Variants in TBCK observed in about 807,000 individuals in gnomAD.
TBCK encodes the protein TBC domain-containing protein kinase-like protein.
In TBCK, 99 loss-of-function variants were observed where a neutral mutation model predicts 113.4. The observed-to-expected ratio is 0.87, with a 90% CI of 0.74 to 1.03. TBCK has a LOEUF of 1.03. TBCK is among the 50% of genes least tolerant of loss of function. The pLI is 0.00. For missense variants in TBCK, 1,045 were observed against 1,061.3 expected (o/e 0.98, Z 0.21); for synonymous variants, 369 against 370.8 (o/e 1.00, Z 0.05).
chr4:106,084,518 G>C (rs540496654), intron 25 of TBCK, among the ~76,000 whole-genome samples: 25 of 152,238 alleles, frequency 1.6e-4, no homozygotes, highest in African/African-American at 6.0e-4. Context: ...CACACTTCAG[G>C]ATATTAGCCA....
chr4:106,137,654 T>C (rs1252801770), intron 23 of TBCK, among the ~76,000 whole-genome samples: 2 of 141,148 alleles, frequency 1.4e-5, no homozygotes, highest in African/African-American at 5.0e-5. Context: ...CAGCATCTGA[T>C]GTGGAGTTTG....
intron 3 of TBCK, among the ~76,000 whole-genome samples, chr4:106,278,889 TAAG>T (rs1472093748): frequency 2.6e-5 from 4 of 151,834 alleles, no homozygotes; most frequent in African/African-American, 9.7e-5. Context: ...AAAATATAGC[TAAG>T]AAGAAAAGAT....
chr4:106,190,279 C>A (rs555609095), intron 22 of TBCK, among the ~76,000 whole-genome samples: 2 of 152,258 alleles, frequency 1.3e-5, no homozygotes, highest in South Asian at 4.1e-4. Context: ...CATTTATATA[C>A]TTAAACATCT....
chr4:106,125,923 C>T (rs755919011), intron 23 of TBCK, among the ~76,000 whole-genome samples: 16 of 152,080 alleles, frequency 1.1e-4, no homozygotes, highest in Non-Finnish European at 1.6e-4. Context: ...CACAAAGCAA[C>T]GATAAAGACT....
At chr4:106,290,951 G>A (rs142866627) in intron 3 of TBCK, among the ~76,000 whole-genome samples, 1 of 152,254 alleles carries the variant, frequency 6.6e-6, no homozygotes, top group Non-Finnish European at 1.5e-5. Context: ...GCTAGCGCTG[G>A]GGAGTGGCTG....
intron 23 of TBCK, among the ~76,000 whole-genome samples, chr4:106,130,425 C>T (rs531131639): frequency 6.6e-6 from 1 of 152,032 alleles, no homozygotes; most frequent in South Asian, 2.1e-4. Context: ...TAGCACTGAA[C>T]TCATGTAAAG....
intron 23 of TBCK, among the ~76,000 whole-genome samples, chr4:106,169,959 C>T (rs1750804400): frequency 6.6e-6 from 1 of 152,012 alleles, no homozygotes; most frequent in Non-Finnish European, 1.5e-5. Context: ...GGAAGCAGCG[C>T]TCAGGTGGTA....
chr4:106,239,358 C>T (rs1759825566), intron 12 of TBCK, among the ~76,000 whole-genome samples: 1 of 151,962 alleles, frequency 6.6e-6, no homozygotes, highest in African/African-American at 2.4e-5. Flanking sequence ...AATACTTCTC[C>T]CCTATACTTT....
intron 3 of TBCK, among the ~76,000 whole-genome samples, chr4:106,271,961 T>C (rs1466677540): frequency 2.0e-5 from 3 of 152,128 alleles, no homozygotes; most frequent in Admixed American, 6.5e-5. Flanking sequence ...AATTCTGATA[T>C]AGTATCTAAG....
At chr4:106,221,135 C>A (rs1182244161) in intron 19 of TBCK, among the ~76,000 whole-genome samples, 2 of 152,144 alleles carry the variant, frequency 1.3e-5, no homozygotes, top group African/African-American at 4.8e-5. Context: ...CACTGTCCTG[C>A]CACCACACCC....
At chr4:106,236,355 G>A (rs757666800) in intron 14 of TBCK, 35 bp downstream of exon 14, 2 of 1,354,798 alleles carry the variant, frequency 1.5e-6, no homozygotes, top group East Asian at 2.7e-5. Context: ...TTCCATATGG[G>A]CTATTGTTAA....
In TBCK at chr4:106,308,899, T is replaced by A. The variant is rs772253266; in HGVS notation, c.62A>T (p.His21Leu). The A allele has an allele frequency of 1.9e-6, 3 of 1,614,174 alleles. No individual in the cohort carries two copies. Among genetic ancestry groups the A allele is most frequent in the Non-Finnish European group, 2.5e-6 (3 of 1,180,034 alleles). The change falls in exon 2 of 26, where the codon CAT becomes CTT. Residue 21 changes from histidine (H) to leucine (L), a missense_variant. His to Leu is a moderately conservative substitution (Grantham distance 99). Transcript: ENST00000394708. ...AFTFFASALPHDVCGSNGLPL... is the reference protein window; with the variant it reads ...AFTFFASALPLDVCGSNGLPL... ...AAGTCCATTGCTTCCACAAACATCATGTGGCAGAGCCGAGGCAAAGAAGGT... is the reference window on the plus strand; with the variant it reads ...AAGTCCATTGCTTCCACAAACATCAAGTGGCAGAGCCGAGGCAAAGAAGGT...
intron 25 of TBCK, among the ~76,000 whole-genome samples, chr4:106,062,475 C>T (rs933209683): frequency 6.6e-6 from 1 of 151,862 alleles, no homozygotes; most frequent in Admixed American, 6.6e-5. Context: ...GACTAGTAAA[C>T]CCACACTGTG....
intron 19 of TBCK, among the ~76,000 whole-genome samples, chr4:106,215,913 A>T (rs1400080208): frequency 1.3e-5 from 2 of 150,762 alleles, no homozygotes; most frequent in Non-Finnish European, 3.0e-5. Context: ...CAGAATATAC[A>T]TTTTTTTCAG....
At chr4:106,307,600 A>T (rs1299034277) in intron 2 of TBCK, among the ~76,000 whole-genome samples, 1 of 152,174 alleles carries the variant, frequency 6.6e-6, no homozygotes, top group Non-Finnish European at 1.5e-5. Context: ...TGAAACACAT[A>T]AAATTGCCAC....
At chr4:106,207,268 T>C (rs1309589210) in intron 20 of TBCK, among the ~76,000 whole-genome samples, 1 of 152,170 alleles carries the variant, frequency 6.6e-6, no homozygotes, top group Non-Finnish European at 1.5e-5. Context: ...CAGAGTTCCG[T>C]GACCCAGAGC....
chr4:106,092,815 C>T (rs1026285970), intron 25 of TBCK, among the ~76,000 whole-genome samples: 3 of 152,224 alleles, frequency 2.0e-5, no homozygotes, highest in African/African-American at 2.4e-5. Flanking sequence ...GCTCCAGCCT[C>T]GGCCATCCCA....
At chr4:106,298,963 TCCC>T (rs1292488105) in intron 2 of TBCK, among the ~76,000 whole-genome samples, 9 of 152,114 alleles carry the variant, frequency 5.9e-5, no homozygotes, top group Admixed American at 2.6e-4. Context: ...TTGGAACATA[TCCC>T]CTGAGGAAAA....
intron 22 of TBCK, among the ~76,000 whole-genome samples, chr4:106,173,901 T>A (rs1375369317): frequency 6.6e-6 from 1 of 152,016 alleles, no homozygotes; most frequent in African/African-American, 2.4e-5. Flanking sequence ...GCATTGTGAA[T>A]AAAACATGGA....
Sources: allele counts gnomAD v4.1 joint callset (sites outside exome capture counted in the v4.1 genomes callset), GRCh38; gene constraint gnomAD v4.1.1; transcripts MANE v1.5; gene names NCBI Gene and HGNC (gene_info 2026-07-23, HGNC 2026-07-21).